Variants in CACNA2D3 observed in about 807,000 individuals in gnomAD.
CACNA2D3 encodes calcium voltage-gated channel auxiliary subunit alpha2delta 3.
A neutral mutation model predicts 160.6 loss-of-function variants in CACNA2D3; 60 were observed. The observed-to-expected ratio is 0.37, with a 90% CI of 0.30 to 0.46. CACNA2D3 has a LOEUF of 0.46. Among genes scored for constraint, CACNA2D3 ranks in the 20% least tolerant of loss-of-function variants. The probability of loss-of-function intolerance (pLI) is 1.00; values close to 1 mark genes in which losing one functional copy is unlikely to be tolerated. For synonymous variants in CACNA2D3, 558 were observed against 492.9 expected, an observed-to-expected ratio of 1.13 and a Z score of -1.75; for missense variants, 1,205 against 1,365.0, an observed-to-expected ratio of 0.88 and a Z score of 1.85.
intron 13 of CACNA2D3, among the ~76,000 whole-genome samples, chr3:54,779,536 G>A (rs1055572330): frequency 2.0e-5 from 3 of 152,166 alleles, no homozygotes; most frequent in Admixed American, 6.5e-5. Flanking sequence ...TTTCCCCCAA[G>A]TTCTTACCAT....
rs375001294 is a variant in CACNA2D3 at position 54,701,401 on chromosome 3, C to G, written c.1168-51198C>G. On this transcript the variant is annotated intron_variant, in intron 11 of 37. Coordinates refer to ENST00000474759, the MANE Select transcript of CACNA2D3 (RefSeq NM_018398.3). ...AAGGAGTCTACTGAGATTTCCCCCT[C>G]CATCCTCTCTATATCTAATATATCT... is the stretch of plus-strand genomic sequence containing the variant. 5.3e-5 allele frequency among the ~76,000 whole-genome samples: 8 copies of G among 152,300 alleles called. No homozygotes were observed. In the South Asian group the frequency reaches 1.4e-3, roughly 28 times the overall value.
chr3:54,922,032 G>A (rs1271616141), intron 27 of CACNA2D3, among the ~76,000 whole-genome samples: 1 of 151,916 alleles, frequency 6.6e-6, no homozygotes, highest in African/African-American at 2.4e-5. Context: ...AGTTATGTTG[G>A]GACATCCAGG....
At position 54,645,990 on chromosome 3, in the gene CACNA2D3, G is replaced by A. The variant is rs563019576; in HGVS notation, c.1167+3749G>A. On this transcript the variant is annotated intron_variant, in intron 11 of 37. Coordinates refer to ENST00000474759, the MANE Select transcript of CACNA2D3 (RefSeq NM_018398.3). ...TGTGTAATCTCTTTACCTTCTGTGT[G>A]GGCAGGACCTGTGGCTTGCTTTTAA... 2.0e-5 allele frequency among the ~76,000 whole-genome samples: 3 copies of A among 151,956 alleles called. No homozygotes were observed. The East Asian group carries it at 5.8e-4, about 30-fold the overall frequency.
intron 2 of CACNA2D3, among the ~76,000 whole-genome samples, chr3:54,179,285 G>A (rs1051251234): frequency 6.6e-6 from 1 of 152,238 alleles, no homozygotes; most frequent in African/African-American, 2.4e-5. Flanking sequence ...GAAGTTGCCT[G>A]TGGATTACTG....
Position 54,722,492 on chromosome 3 carries a change from C to T in CACNA2D3, c.1168-30107C>T, listed in dbSNP as rs565228669. The stretch of plus-strand genomic sequence containing the variant: ...GATCCTTTGGAGGAGAAGAGGCCTT[C>T]TGGTTTTTGGAATTTTCAGCCTTTT... On this transcript the variant is annotated intron_variant, in intron 11 of 37. Transcript: ENST00000474759. 7.9e-5 allele frequency among the ~76,000 whole-genome samples: 12 copies of T among 152,276 alleles called. No homozygotes were observed. The South Asian group carries it at 2.1e-3, about 26-fold the overall frequency.
At chr3:54,445,898 A>G (rs1293484570) in intron 4 of CACNA2D3, among the ~76,000 whole-genome samples, 2 of 152,186 alleles carry the variant, frequency 1.3e-5, no homozygotes. Context: ...GAGCTCCCTG[A>G]AAGAGGAACT....
At chr3:54,272,856 G>A (rs1702647502) in intron 2 of CACNA2D3, 1 of 152,302 alleles carries the variant, frequency 6.6e-6, no homozygotes, top group Non-Finnish European at 1.5e-5. Context: ...CACCACTGGG[G>A]CACTGGTGGG....
At chr3:54,993,255 C>T (rs1192054686) in intron 31 of CACNA2D3, among the ~76,000 whole-genome samples, 1 of 152,202 alleles carries the variant, frequency 6.6e-6, no homozygotes, top group East Asian at 1.9e-4. Context: ...ACATAGACAG[C>T]AAGGATAACA....
chr3:54,233,259 A>G (rs1479531009), intron 2 of CACNA2D3, among the ~76,000 whole-genome samples: 23 of 152,214 alleles, frequency 1.5e-4, no homozygotes. Context: ...TTACTCTCGT[A>G]TCACCAGGGC....
At chr3:54,599,838 C>G (rs907040533) in intron 9 of CACNA2D3, among the ~76,000 whole-genome samples, 1 of 152,208 alleles carries the variant, frequency 6.6e-6, no homozygotes, top group African/African-American at 2.4e-5. Context: ...AGGTCTGGGT[C>G]TCAGTGCCAG....
At chr3:54,443,957 C>G (rs1048711454) in intron 4 of CACNA2D3, among the ~76,000 whole-genome samples, 1 of 152,156 alleles carries the variant, frequency 6.6e-6, no homozygotes, top group African/African-American at 2.4e-5. Context: ...TGCTTCTGGA[C>G]TTCCTCATTG....
intron 12 of CACNA2D3, among the ~76,000 whole-genome samples, chr3:54,761,308 C>T (rs577079439): frequency 6.6e-6 from 1 of 152,286 alleles, no homozygotes; most frequent in African/African-American, 2.4e-5. Context: ...TCCTTAAGGT[C>T]TGGAGCTATT....
chr3:54,919,032 C>T lies in CACNA2D3; in HGVS notation c.2449+19164C>T, dbSNP rs1005831844. On this transcript the variant is annotated intron_variant, in intron 27 of 37. Coordinates refer to ENST00000474759, the MANE Select transcript of CACNA2D3 (RefSeq NM_018398.3). Reference sequence around the variant, plus strand: ...TAAATCCTGGAGTCAAAGAATTTAACAACCATATTTTATGATTTTAGGATT... The same window carrying T: ...TAAATCCTGGAGTCAAAGAATTTAATAACCATATTTTATGATTTTAGGATT... 4.6e-5 allele frequency: 31 copies of T among 672,198 alleles called. No individual in the cohort carries two copies. The African/African-American group carries it at 5.5e-4, about 12-fold the overall frequency. The allele number at this position is 672,198 out of a possible 1,614,324, so 41.6% of individuals were successfully genotyped here.
At chr3:54,266,482 T>A (rs1430538252) in intron 2 of CACNA2D3, among the ~76,000 whole-genome samples, 2 of 152,164 alleles carry the variant, frequency 1.3e-5, no homozygotes, top group East Asian at 3.9e-4. Context: ...AGAAAGGTGT[T>A]GGGTTATGGT....
chr3:54,174,727 G>A (rs998895908), intron 2 of CACNA2D3, among the ~76,000 whole-genome samples: 8 of 152,160 alleles, frequency 5.3e-5, no homozygotes, highest in East Asian at 1.9e-4. Flanking sequence ...GGGTTTCACC[G>A]TGTTAGCCAG....
At position 55,033,748 on chromosome 3, in the gene CACNA2D3, T is replaced by TTAAATATATATTATATAATATGTATTA. The variant is rs1559469458; in HGVS notation, c.2987+15433_2987+15434insAATATATATTATATAATATGTATTATA. Among the ~76,000 whole-genome samples, 18 of 79,592 alleles carry TTAAATATATATTATATAATATGTATTA rather than the reference T, an allele frequency of 2.3e-4. 1 individual carries two copies. The highest frequency in any genetic ancestry group is 7.5e-4 in the African/African-American group (18 of 23,970). The allele number at this position is 79,592 out of a possible 152,430, so 52.2% of individuals were successfully genotyped here. On this transcript the variant is annotated intron_variant, in intron 35 of 37. Transcript: ENST00000474759. ...TTAAATATATTTTATATAATATATATTATATTAAATATATATTATATAATA... is the reference window on the plus strand; with the variant it reads ...TTAAATATATTTTATATAATATATATTAAATATATATTATATAATATGTATTATATATTAAATATATATTATATAATA...
At chr3:54,453,006 C>G (rs1236897743) in intron 4 of CACNA2D3, among the ~76,000 whole-genome samples, 1 of 151,262 alleles carries the variant, frequency 6.6e-6, no homozygotes, top group Non-Finnish European at 1.5e-5. Context: ...TCTCCTCTTT[C>G]TTTCTGACAG....
At chr3:54,522,907 CATTT>C (rs36129743) in intron 5 of CACNA2D3, among the ~76,000 whole-genome samples, 18,451 of 145,808 alleles carry the variant, frequency 0.13, 1,339 homozygotes, top group African/African-American at 0.19. Flanking sequence ...ACCAAAGCAC[CATTT>C]ATTTATTTAT....
chr3:54,236,895 T>C (rs1196450261), intron 2 of CACNA2D3, among the ~76,000 whole-genome samples: 4 of 152,096 alleles, frequency 2.6e-5, no homozygotes, highest in Non-Finnish European at 5.9e-5. Flanking sequence ...TATCATGCCA[T>C]TGGCAGTTTC....
Sources: allele counts gnomAD v4.1 joint callset (sites outside exome capture counted in the v4.1 genomes callset), GRCh38; gene constraint gnomAD v4.1.1; transcripts MANE v1.5; gene names NCBI Gene and HGNC (gene_info 2026-07-23, HGNC 2026-07-21).